The following TAF4 variants were observed in gnomAD, a reference collection of about 807,000 sequenced individuals.
TAF4 encodes the protein TATA-box binding protein associated factor 4, also known as transcription initiation factor TFIID subunit 4.
TAF4 carries 9 observed loss-of-function variants against 90.3 expected under a neutral mutation model. The ratio of observed to expected loss-of-function variants is 0.10; its 90% confidence interval spans 0.06 to 0.17. TAF4 has a LOEUF of 0.17. Among genes scored for constraint, TAF4 ranks in the 10% least tolerant of loss-of-function variants. The probability of loss-of-function intolerance (pLI) is 1.00; values close to 1 mark genes in which losing one functional copy is unlikely to be tolerated. For synonymous variants in TAF4, 818 were observed against 638.9 expected (o/e 1.28, Z -4.23); for missense variants, 1,351 against 1,370.7 (o/e 0.99, Z 0.23).
intron 1 of TAF4, among the ~76,000 whole-genome samples, chr20:62,018,940 GCCAC>G: frequency 6.6e-6 from 1 of 152,198 alleles, no homozygotes; most frequent in African/African-American, 2.4e-5. Context: ...TCCTGACCGG[GCCAC>G]TGTGGCCACC....
At chr20:61,980,767 A>T (rs1359845369) in intron 14 of TAF4, 5 of 152,436 alleles carry the variant, frequency 3.3e-5, no homozygotes, top group African/African-American at 1.2e-4. Flanking sequence ...GAGGGCGCCT[A>T]GACTTCAAAA....
intron 1 of TAF4, among the ~76,000 whole-genome samples, chr20:62,031,546 C>T (rs530975155): frequency 6.6e-6 from 1 of 152,280 alleles, no homozygotes; most frequent in South Asian, 2.1e-4. Flanking sequence ...TGGGCATTCC[C>T]TTTGCCTTGA....
chr20:62,009,998 G>C, intron 4 of TAF4, 48 bp downstream of exon 4: 1 of 1,607,300 alleles, frequency 6.2e-7, no homozygotes. Flanking sequence ...TCTGACCTGC[G>C]CCACGGGCCT....
intron 1 of TAF4, among the ~76,000 whole-genome samples, chr20:62,039,053 G>A (rs1032828770): frequency 1.3e-5 from 2 of 152,180 alleles, no homozygotes; most frequent in African/African-American, 2.4e-5. Context: ...GAAAAATTCC[G>A]TCTCAAAACA....
At chr20:62,033,096 G>A (rs1326060515) in intron 1 of TAF4, among the ~76,000 whole-genome samples, 1 of 152,212 alleles carries the variant, frequency 6.6e-6, no homozygotes, top group Non-Finnish European at 1.5e-5. Flanking sequence ...CGGTGAGGGA[G>A]TGACCTAGGA....
rs547625074 is a variant in TAF4, at chr20:62,008,923, G to A, written c.1884+129C>T. ...CGACACGTGTGCACCCCTCCCCTTC[G>A]CCTGCAGCCTTCCAGAGGAGCTCTC... On this transcript the variant is annotated intron_variant, in intron 5 of 14. Transcript: ENST00000252996. 60 of 1,284,574 alleles carry A rather than the reference G, an allele frequency of 4.7e-5. No homozygotes were observed. In the African/African-American group the frequency reaches 6.7e-4, roughly 14 times the overall value. The allele number at this position is 1,284,574 out of a possible 1,614,324, so 79.6% of individuals were successfully genotyped here.
At chr20:61,999,679 C>A (rs1371083788) in intron 11 of TAF4, among the ~76,000 whole-genome samples, 3 of 152,230 alleles carry the variant, frequency 2.0e-5, no homozygotes, top group Non-Finnish European at 4.4e-5. Flanking sequence ...GGCATAGAGG[C>A]TCATGCCTGT....
At chr20:62,056,853 A>G (rs1317149090) in intron 1 of TAF4, among the ~76,000 whole-genome samples, 1 of 152,126 alleles carries the variant, frequency 6.6e-6, no homozygotes, top group African/African-American at 2.4e-5. Flanking sequence ...GTAACTAATA[A>G]TTTTTTACAC....
intron 8 of TAF4, among the ~76,000 whole-genome samples, 199 bp from the exon 9 acceptor site, chr20:62,003,473 TTCA>T (rs1315484915): frequency 6.6e-6 from 1 of 152,190 alleles, no homozygotes; most frequent in African/African-American, 2.4e-5. Flanking sequence ...TTTCCTGTAT[TTCA>T]TCAAGGTTTT....
In TAF4 at chr20:62,065,839, C is replaced by CG; in HGVS notation, c.-30_-29insC. 2 of 1,246,522 alleles carry CG rather than the reference C, an allele frequency of 1.6e-6. No homozygotes were observed. The highest frequency in any genetic ancestry group is 2.1e-6 in the Non-Finnish European group (2 of 971,558). 77.2% of individuals were successfully genotyped at this position (1,246,522 alleles called of 1,614,324 possible). A position where few individuals can be genotyped will look rare whatever the true frequency, so the allele number is the denominator to read the frequency against. On this transcript the variant is annotated 5_prime_UTR_variant, in exon 1 of 15. Transcript: ENST00000252996. ...TTTTCCTCGGCCGCCGCCGCCGCCG[C>CG]CGCTCGGGCCGAGCGCGCCTGGGCG...
At chr20:62,011,855 C>T (rs569252654) in intron 3 of TAF4, among the ~76,000 whole-genome samples, 81 of 152,342 alleles carry the variant, frequency 5.3e-4, no homozygotes, top group African/African-American at 1.8e-3. Flanking sequence ...TACGCATCCA[C>T]GGATGCTCAC....
intron 11 of TAF4, 74 bp from the exon 12 acceptor site, chr20:61,999,182 T>A: frequency 6.4e-7 from 1 of 1,566,124 alleles, no homozygotes; most frequent in Non-Finnish European, 8.7e-7. Flanking sequence ...CTAGCACCAC[T>A]GGACCATCCG....
intron 1 of TAF4, among the ~76,000 whole-genome samples, chr20:62,050,011 C>T (rs1231171731): frequency 6.6e-6 from 1 of 152,182 alleles, no homozygotes; most frequent in Non-Finnish European, 1.5e-5. Context: ...GGGAGTCAGC[C>T]TCACCCGCTC....
intron 9 of TAF4, among the ~76,000 whole-genome samples, chr20:62,002,720 C>G (rs1450076248): frequency 6.6e-6 from 1 of 152,154 alleles, no homozygotes; most frequent in Non-Finnish European, 1.5e-5. Context: ...GTCTCAAACT[C>G]CCGGGCTCAA....
chr20:61,977,489 G>A (rs143870630), intron 14 of TAF4, among the ~76,000 whole-genome samples: 12 of 152,038 alleles, frequency 7.9e-5, no homozygotes, highest in African/African-American at 2.9e-4. Flanking sequence ...ACATGGCCCC[G>A]CCCCTCATGC....
intron 1 of TAF4, among the ~76,000 whole-genome samples, chr20:62,037,040 C>T (rs939550197): frequency 6.6e-6 from 1 of 152,254 alleles, no homozygotes; most frequent in African/African-American, 2.4e-5. Context: ...AATGAATTTC[C>T]GGTGTCTAGA....
At position 61,975,100 on chromosome 20, in the gene TAF4, AAT is replaced by A. The variant is rs1174449888; in HGVS notation, c.*1066_*1067del. The A allele has an allele frequency of 1.3e-5, 2 of 152,458 alleles. No individual in the cohort carries two copies. Among genetic ancestry groups the A allele is most frequent in the Non-Finnish European group, 1.5e-5 (1 of 68,042 alleles). The allele number at this position is 152,458 out of a possible 1,614,324, so 9.4% of individuals were successfully genotyped here. A position where few individuals can be genotyped will look rare whatever the true frequency, so the allele number is the denominator to read the frequency against. ...TATTTACAGTCATAAAAGTACTATC[AAT>A]AGACAATTTCATACAATAACCTCTG... is the stretch of plus-strand genomic sequence containing the variant. On this transcript the variant is annotated 3_prime_UTR_variant, in exon 15 of 15. Transcript: ENST00000252996.
At chr20:62,008,840 CG>C in intron 5 of TAF4, 1 of 508,700 alleles carries the variant, frequency 2.0e-6, no homozygotes, top group Non-Finnish European at 3.2e-6. Flanking sequence ...CTCCAGGCGC[CG>C]GCCCCAGAAC....
chr20:62,013,506 A>G (rs894634718), intron 2 of TAF4, among the ~76,000 whole-genome samples: 1 of 152,268 alleles, frequency 6.6e-6, no homozygotes, highest in African/African-American at 2.4e-5. Flanking sequence ...CACTCAGCAG[A>G]CAGATGCTGC....
Sources: allele counts gnomAD v4.1 joint callset (sites outside exome capture counted in the v4.1 genomes callset), GRCh38; gene constraint gnomAD v4.1.1; transcripts MANE v1.5; gene names NCBI Gene and HGNC (gene_info 2026-07-23, HGNC 2026-07-21).